Variants in ABCC5 observed in about 807,000 individuals in gnomAD.
The protein encoded by ABCC5 is ATP-binding cassette sub-family C member 5.
In ABCC5, 61 loss-of-function variants were observed where a neutral mutation model predicts 160.9. That is an observed-to-expected ratio of 0.38 (90% CI 0.31 to 0.47). The LOEUF (loss-of-function observed/expected upper bound fraction) is 0.47, where lower values mean the gene tolerates loss of function less well. ABCC5 is among the 20% of genes least tolerant of loss of function. ABCC5 has a pLI of 0.99. For missense variants in ABCC5, 1,308 were observed against 1,813.3 expected (o/e 0.72, Z 5.06); for synonymous variants, 666 against 700.6 (o/e 0.95, Z 0.78).
Position 183,988,457 on chromosome 3 carries a change from G to A in ABCC5, c.443+115C>T, listed in dbSNP as rs1282416281. ...AGAGAAAGTCATCCCCAGGCCGCCC[G>A]CCCTCCACTGGACAGCTCGGCTCTT... On this transcript the variant is annotated intron_variant, in intron 4 of 29. Transcript: ENST00000334444. The surrounding 1 kb of genome is among the most constrained non-coding windows in gnomAD (Gnocchi z 4.4). The A allele has an allele frequency of 5.3e-6, 7 of 1,322,124 alleles. No individual in the cohort carries two copies. The highest frequency in any genetic ancestry group is 2.4e-5 in the East Asian group (1 of 41,630). 81.9% of individuals were successfully genotyped at this position (1,322,124 alleles called of 1,614,324 possible). A position where few individuals can be genotyped will look rare whatever the true frequency, so the allele number is the denominator to read the frequency against.
intron 8 of ABCC5, among the ~76,000 whole-genome samples, chr3:183,980,518 T>C (rs987720372): frequency 2.0e-5 from 3 of 152,172 alleles, no homozygotes; most frequent in Non-Finnish European, 2.9e-5. Flanking sequence ...TGTTCCACTC[T>C]AGTAGAAACA....
intron 2 of ABCC5, among the ~76,000 whole-genome samples, chr3:183,993,854 T>C (rs1029570234): frequency 6.6e-5 from 10 of 152,176 alleles, no homozygotes; most frequent in African/African-American, 9.7e-5. Flanking sequence ...TCTTGAAATA[T>C]GGAAATTTGC....
chr3:184,006,043 G>C (rs999092699), intron 2 of ABCC5, among the ~76,000 whole-genome samples: 5 of 152,066 alleles, frequency 3.3e-5, no homozygotes, highest in Admixed American at 1.3e-4. Flanking sequence ...CAGTCTTGCA[G>C]CAAACGGCAT....
rs146130162 is a variant in ABCC5 at position 183,975,036 on chromosome 3, C to A, written c.1404+2481G>T. Among the ~76,000 whole-genome samples, 8 of 152,296 alleles carry A rather than the reference C, an allele frequency of 5.3e-5. No individual in the cohort carries two copies. In the East Asian group the frequency reaches 1.4e-3, roughly 26 times the overall value. On this transcript the variant is annotated intron_variant, in intron 10 of 29. Transcript: ENST00000334444. ...GAGTTTCAAGGTCTGTAAAATGAAT[C>A]AAAGAAGCAAGTCTCATCCTTGTTA...
chr3:184,012,576 C>T (rs1014266446), intron 2 of ABCC5, among the ~76,000 whole-genome samples: 3 of 152,096 alleles, frequency 2.0e-5, no homozygotes, highest in East Asian at 1.9e-4. Context: ...GTACTTGTAC[C>T]GCCTAAAAAG....
chr3:183,997,493 C>A (rs1406085809), intron 2 of ABCC5, among the ~76,000 whole-genome samples: 2 of 152,128 alleles, frequency 1.3e-5, no homozygotes, highest in African/African-American at 4.8e-5. Context: ...CTGACTCTTT[C>A]AAGGTCGGGG....
intron 17 of ABCC5, among the ~76,000 whole-genome samples, chr3:183,957,439 T>C (rs74790452): frequency 7.8e-6 from 1 of 128,364 alleles, no homozygotes; most frequent in African/African-American, 3.0e-5. Context: ...TCCATGTGTA[T>C]ATCACATCTG....
chr3:183,933,283 G>A (rs73046521), intron 26 of ABCC5, among the ~76,000 whole-genome samples: 261 of 152,170 alleles, frequency 1.7e-3, no homozygotes, highest in African/African-American at 5.5e-3. Context: ...GAAGTGCTCC[G>A]GGTAGACAAG....
At chr3:183,936,173 C>T (rs1302294403) in intron 26 of ABCC5, among the ~76,000 whole-genome samples, 1 of 152,072 alleles carries the variant, frequency 6.6e-6, no homozygotes, top group Non-Finnish European at 1.5e-5. Context: ...CAGGCATGCA[C>T]CACAGGCACA....
intron 2 of ABCC5, among the ~76,000 whole-genome samples, chr3:184,012,384 AT>A (rs977350855): frequency 6.6e-6 from 1 of 152,194 alleles, no homozygotes; most frequent in Non-Finnish European, 1.5e-5. Context: ...AAGAGCTAAC[AT>A]TTATTGAGCA....
At chr3:184,002,241 A>C (rs1720803969) in intron 2 of ABCC5, among the ~76,000 whole-genome samples, 1 of 152,068 alleles carries the variant, frequency 6.6e-6, no homozygotes, top group Admixed American at 6.5e-5. Context: ...TCTACTAAAA[A>C]TACAAAAATA....
chr3:184,013,646 C>T (rs1194586894), intron 2 of ABCC5, among the ~76,000 whole-genome samples: 1 of 152,158 alleles, frequency 6.6e-6, no homozygotes. Flanking sequence ...TTTATATTCC[C>T]TGTCATTGAC....
At chr3:183,936,467 T>G (rs1410034541) in intron 26 of ABCC5, among the ~76,000 whole-genome samples, 2 of 152,100 alleles carry the variant, frequency 1.3e-5, no homozygotes, top group Admixed American at 6.6e-5. Context: ...GAAATTAGGT[T>G]GGTACCAATT....
chr3:183,932,360 T>A (rs542041466), intron 26 of ABCC5, among the ~76,000 whole-genome samples: 9 of 152,348 alleles, frequency 5.9e-5, no homozygotes, highest in Non-Finnish European at 1.3e-4. Flanking sequence ...CGGCATAGAT[T>A]GTGTGACTTT....
At chr3:183,926,089 C>T (rs1373237143) in intron 28 of ABCC5, among the ~76,000 whole-genome samples, 3 of 148,332 alleles carry the variant, frequency 2.0e-5, no homozygotes, top group Non-Finnish European at 4.5e-5. Flanking sequence ...CCACCTGCCT[C>T]GGCCTCCCAA....
chr3:183,932,121 A>G (rs1215343554), intron 26 of ABCC5, among the ~76,000 whole-genome samples: 1 of 152,236 alleles, frequency 6.6e-6, no homozygotes. Context: ...AAAACACTGC[A>G]GTAAACCATG....
intron 28 of ABCC5, 54 bp downstream of exon 28, chr3:183,927,276 G>A: frequency 2.6e-6 from 4 of 1,565,244 alleles, no homozygotes; most frequent in Non-Finnish European, 2.6e-6. Context: ...GTCAGGGCAA[G>A]GCTGCACTAA....
rs953230899 is a variant in ABCC5, at chr3:183,959,613, G to T, written c.2482+120C>A. The T allele has an allele frequency of 8.5e-5, 66 of 773,028 alleles. No homozygotes were observed. The East Asian group carries it at 1.7e-3, about 20-fold the overall frequency. 47.9% of individuals were successfully genotyped at this position (773,028 alleles called of 1,614,324 possible). On this transcript the variant is annotated intron_variant, in intron 17 of 29. Coordinates refer to ENST00000334444, the MANE Select transcript of ABCC5 (RefSeq NM_005688.4). ...TATAAGAACTTTGTTTTCCAGAAATGTAAGACCAAGTATTTATATTGTACA... is the reference window on the plus strand; with the variant it reads ...TATAAGAACTTTGTTTTCCAGAAATTTAAGACCAAGTATTTATATTGTACA...
Position 183,923,555 on chromosome 3 carries a change from G to A in ABCC5, c.4212+2000C>T, listed in dbSNP as rs182300065. Among the ~76,000 whole-genome samples the A allele has an allele frequency of 3.5e-4, 53 of 152,236 alleles. No homozygotes were observed. In the East Asian group the frequency reaches 9.7e-3, roughly 28 times the overall value. On this transcript the variant is annotated intron_variant, in intron 29 of 29. Transcript: ENST00000334444. ...GGAGAATCGCTTGAACCCCGGAGGC[G>A]AAGGTTGCAGTGAGCCAAGATTGCA...
Sources: allele counts gnomAD v4.1 joint callset (sites outside exome capture counted in the v4.1 genomes callset), GRCh38; gene constraint gnomAD v4.1.1; non-coding constraint Gnocchi (gnomAD v3.1); transcripts MANE v1.5; gene names NCBI Gene and HGNC (gene_info 2026-07-23, HGNC 2026-07-21).